UNC80: variants seen among roughly 807,000 people sequenced by gnomAD.
The protein encoded by UNC80 is protein unc-80 homolog.
UNC80 carries 164 observed loss-of-function variants against 384.6 expected under a neutral mutation model. The observed-to-expected ratio is 0.43, with a 90% CI of 0.38 to 0.49. The LOEUF (loss-of-function observed/expected upper bound fraction) is 0.49. UNC80 is among the 20% of genes least tolerant of loss of function. The probability of loss-of-function intolerance (pLI) is 0.00; values close to 1 mark genes in which losing one functional copy is unlikely to be tolerated. For missense variants in UNC80, 3,330 were observed against 4,143.0 expected (o/e 0.80, Z 5.39); for synonymous variants, 1,486 against 1,527.8 (o/e 0.97, Z 0.64).
intron 49 of UNC80, among the ~76,000 whole-genome samples, chr2:209,958,263 A>G (rs2124999878): frequency 6.6e-6 from 1 of 152,298 alleles, no homozygotes; most frequent in South Asian, 2.1e-4. Context: ...TACCCGTTTC[A>G]TTCCATCTGT....
intron 29 of UNC80, among the ~76,000 whole-genome samples, chr2:209,905,748 A>G (rs2088115296): frequency 6.6e-6 from 1 of 152,224 alleles, no homozygotes; most frequent in African/African-American, 2.4e-5. Context: ...GTCAAATCAG[A>G]CTAAAGGAAA....
chr2:209,846,871 T>C (rs1021765949), intron 21 of UNC80, among the ~76,000 whole-genome samples: 1 of 152,130 alleles, frequency 6.6e-6, no homozygotes, highest in African/African-American at 2.4e-5. Flanking sequence ...GCCAGCAGGA[T>C]ACAATTTTAT....
At chr2:209,985,971 A>G (rs2093278782) in intron 61 of UNC80, among the ~76,000 whole-genome samples, 1 of 152,094 alleles carries the variant, frequency 6.6e-6, no homozygotes, top group South Asian at 2.1e-4. Context: ...AACCAGACCC[A>G]TAATTCATGA....
intron 22 of UNC80, among the ~76,000 whole-genome samples, chr2:209,856,299 G>T (rs2124851702): frequency 6.6e-6 from 1 of 152,158 alleles, no homozygotes; most frequent in South Asian, 2.1e-4. Context: ...CTTATTGGAA[G>T]ATTATCTTTT....
intron 48 of UNC80, among the ~76,000 whole-genome samples, chr2:209,955,690 C>CT (rs2092369721): frequency 1.4e-5 from 1 of 71,200 alleles, no homozygotes; most frequent in Non-Finnish European, 2.7e-5. Flanking sequence ...CACTGTATTT[C>CT]TAATATATAT....
chr2:209,844,370 T>A (rs1426800446), intron 21 of UNC80, among the ~76,000 whole-genome samples: 1 of 151,882 alleles, frequency 6.6e-6, no homozygotes, highest in Non-Finnish European at 1.5e-5. Context: ...TTTTTCAAAA[T>A]TCCTTCCTTC....
At chr2:209,854,488 A>G (rs2082746714) in intron 22 of UNC80, among the ~76,000 whole-genome samples, 2 of 152,162 alleles carry the variant, frequency 1.3e-5, no homozygotes, top group Admixed American at 6.6e-5. Context: ...ATATACAGCA[A>G]AAGAAACTAT....
intron 56 of UNC80, among the ~76,000 whole-genome samples, 168 bp from the exon 57 acceptor site, chr2:209,975,951 G>T (rs755218873): frequency 6.6e-6 from 1 of 152,088 alleles, no homozygotes; most frequent in Admixed American, 6.5e-5. Context: ...TTTTTGTCTC[G>T]ATGTACAGAA....
intron 22 of UNC80, among the ~76,000 whole-genome samples, chr2:209,856,087 G>T (rs762963569): frequency 6.6e-6 from 1 of 151,984 alleles, no homozygotes; most frequent in Admixed American, 6.6e-5. Flanking sequence ...AAGTGCCAAC[G>T]ATATAATGAA....
At chr2:209,891,463 G>T (rs1320862809) in intron 26 of UNC80, among the ~76,000 whole-genome samples, 1 of 151,876 alleles carries the variant, frequency 6.6e-6, no homozygotes, top group African/African-American at 2.4e-5. Flanking sequence ...CTTATTCAAA[G>T]TTATTATGCT....
At chr2:209,967,241 A>G (rs2092764506) in intron 51 of UNC80, among the ~76,000 whole-genome samples, 196 bp from the exon 52 acceptor site, 1 of 152,006 alleles carries the variant, frequency 6.6e-6, no homozygotes, top group Non-Finnish European at 1.5e-5. Flanking sequence ...ATGATTCTCT[A>G]TTAATATGCA....
intron 35 of UNC80, among the ~76,000 whole-genome samples, chr2:209,925,133 G>T (rs142803170): frequency 6.6e-6 from 1 of 151,038 alleles, no homozygotes; most frequent in Non-Finnish European, 1.5e-5. Flanking sequence ...TCCTCAAATA[G>T]TTCCAAGCTT....
intron 36 of UNC80, among the ~76,000 whole-genome samples, chr2:209,928,470 G>A (rs559050557): frequency 3.9e-5 from 6 of 151,932 alleles, no homozygotes; most frequent in African/African-American, 1.4e-4. Flanking sequence ...GCATTTTTTT[G>A]TATTTTTCAT....
intron 60 of UNC80, among the ~76,000 whole-genome samples, chr2:209,984,106 T>G (rs1367176565): frequency 6.6e-6 from 1 of 152,204 alleles, no homozygotes; most frequent in East Asian, 1.9e-4. Context: ...AGATAAAGCA[T>G]GACAGTTTCT....
intron 6 of UNC80, among the ~76,000 whole-genome samples, chr2:209,790,103 C>A (rs769339684): frequency 1.3e-5 from 2 of 152,022 alleles, no homozygotes; most frequent in African/African-American, 4.8e-5. Context: ...GACTAACCCA[C>A]ATAAAACGGA....
At chr2:209,897,011 C>T (rs1234692665) in intron 28 of UNC80, among the ~76,000 whole-genome samples, 1 of 151,990 alleles carries the variant, frequency 6.6e-6, no homozygotes, top group Non-Finnish European at 1.5e-5. Context: ...AGGACCATCA[C>T]GGGGGTCACC....
intron 24 of UNC80, 134 bp from the exon 25 acceptor site, chr2:209,880,827 G>C: frequency 3.8e-6 from 3 of 793,754 alleles, no homozygotes; most frequent in Non-Finnish European, 5.9e-6. Flanking sequence ...TATGTAATTG[G>C]ATGTTGGACA....
intron 3 of UNC80, among the ~76,000 whole-genome samples, chr2:209,776,332 A>G (rs1254711350): frequency 6.6e-6 from 1 of 152,162 alleles, no homozygotes; most frequent in Non-Finnish European, 1.5e-5. Flanking sequence ...CTGTAATCCC[A>G]CCACTTTGGG....
intron 23 of UNC80, among the ~76,000 whole-genome samples, chr2:209,873,177 G>A (rs938061804): frequency 6.6e-6 from 1 of 152,166 alleles, no homozygotes; most frequent in African/African-American, 2.4e-5. Flanking sequence ...CTGTTTTACA[G>A]TTAAGAGAAC....
Sources: allele counts gnomAD v4.1 joint callset (sites outside exome capture counted in the v4.1 genomes callset), GRCh38; gene constraint gnomAD v4.1.1; transcripts MANE v1.5; gene names NCBI Gene and HGNC (gene_info 2026-07-23, HGNC 2026-07-21).